DDX42: variants seen among roughly 807,000 people sequenced by gnomAD.
DDX42 encodes DEAD-box helicase 42.
In DDX42, 22 loss-of-function variants were observed where a neutral mutation model predicts 101.5. The observed-to-expected ratio is 0.22, with a 90% CI of 0.15 to 0.31. The LOEUF (loss-of-function observed/expected upper bound fraction) is 0.31, where lower values mean the gene tolerates loss of function less well. DDX42 is among the 10% of genes least tolerant of loss of function. The pLI is 1.00. For missense variants in DDX42, 849 were observed against 1,199.9 expected (o/e 0.71, Z 4.32); for synonymous variants, 402 against 401.2 (o/e 1.00, Z -0.02).
intron 1 of DDX42, among the ~76,000 whole-genome samples, chr17:63,779,349 C>T (rs866428390): frequency 5.9e-5 from 9 of 152,220 alleles, no homozygotes; most frequent in South Asian, 2.1e-4. Context: ...CTGCAACCTC[C>T]GACTCCTGGG....
At chr17:63,786,219 A>G (rs748977064) in intron 1 of DDX42, among the ~76,000 whole-genome samples, 11 of 152,160 alleles carry the variant, frequency 7.2e-5, no homozygotes, top group South Asian at 6.2e-4. Flanking sequence ...CTGAAATACA[A>G]TGTCAACTTT....
At chr17:63,799,545 T>A (rs2039736864) in intron 4 of DDX42, 44 bp from the exon 5 acceptor site, 1 of 1,610,366 alleles carries the variant, frequency 6.2e-7, no homozygotes, top group Non-Finnish European at 8.5e-7. Context: ...GCTGGGTATG[T>A]GGAACATTTG....
chr17:63,779,735 A>C (rs1408632516), intron 1 of DDX42, among the ~76,000 whole-genome samples: 2 of 150,972 alleles, frequency 1.3e-5, no homozygotes, highest in Non-Finnish European at 2.9e-5. Flanking sequence ...TATTCTAGGT[A>C]TCTCTTTTTT....
chr17:63,818,072 A>G lies in DDX42; in HGVS notation c.2491A>G (p.Ser831Gly). Reference protein sequence around the residue: ...HGETGNRHSDSPRHGDGGRHG... With the variant: ...HGETGNRHSDGPRHGDGGRHG... ...AGAGACTGGCAATCGGCATAGCGAT[A>G]GTCCACGTCACGGAGATGGTGGTCG... The change falls in exon 18 of 18, where the codon AGT (serine) becomes GGT (glycine). Residue 831 changes from serine (S) to glycine (G), a missense_variant. Physicochemically the swap from Ser to Gly is moderately conservative, Grantham distance 56 (BLOSUM62 0). Transcript: ENST00000389924. The G allele has an allele frequency of 4.3e-6, 7 of 1,614,058 alleles. No homozygotes were observed. Among genetic ancestry groups the G allele is most frequent in the Non-Finnish European group, 5.9e-6 (7 of 1,180,022 alleles).
intron 1 of DDX42, among the ~76,000 whole-genome samples, chr17:63,777,275 C>T (rs906090269): frequency 6.6e-6 from 1 of 152,110 alleles, no homozygotes; most frequent in Non-Finnish European, 1.5e-5. Flanking sequence ...TGTTTCTCTT[C>T]AGCCTAGTTG....
rs965823592 is a variant in DDX42, at chr17:63,808,836, A to C, written c.1040A>C (p.Lys347Thr). 1.2e-6 allele frequency: 2 copies of C among 1,613,830 alleles called. No homozygotes were observed. The highest frequency in any genetic ancestry group is 1.7e-6 in the Non-Finnish European group (2 of 1,179,916). The change falls in exon 10 of 18, where the codon AAG becomes ACG. Residue 347 changes from lysine to threonine, a missense_variant. Lys to Thr is a moderately conservative substitution (Grantham distance 78). Coordinates refer to ENST00000389924, the MANE Select transcript of DDX42 (RefSeq NM_203499.3). ...ELCQQIHAEC[K>T]RFGKAYNLRS... Reference sequence around the variant, plus strand: ...ACTTTGTAGATCCATGCAGAATGTAAGCGGTTTGGAAAAGCATATAATCTT... The same window carrying C: ...ACTTTGTAGATCCATGCAGAATGTACGCGGTTTGGAAAAGCATATAATCTT...
chr17:63,807,679 T>C, intron 8 of DDX42, 45 bp from the exon 9 acceptor site: 1 of 1,567,086 alleles, frequency 6.4e-7, no homozygotes, highest in Non-Finnish European at 8.7e-7. Flanking sequence ...CAGTACATCT[T>C]TAGAATTGAA....
At chr17:63,810,059 A>C (rs1567743884) in intron 11 of DDX42, among the ~76,000 whole-genome samples, 1 of 151,652 alleles carries the variant, frequency 6.6e-6, no homozygotes, top group African/African-American at 2.4e-5. Context: ...TGGAGGGAAA[A>C]TTTTTCACTT....
intron 16 of DDX42, chr17:63,816,071 A>G (rs892274737): frequency 6.5e-6 from 1 of 153,018 alleles, no homozygotes; most frequent in Non-Finnish European, 1.5e-5. Flanking sequence ...AATGTTGCCA[A>G]AGGGTCACTG....
At chr17:63,793,786 A>G (rs2039657459) in intron 3 of DDX42, among the ~76,000 whole-genome samples, 1 of 151,712 alleles carries the variant, frequency 6.6e-6, no homozygotes, top group Non-Finnish European at 1.5e-5. Context: ...ATTATTATAT[A>G]GCAGATCATT....
chr17:63,780,565 T>C (rs562123687), intron 1 of DDX42, among the ~76,000 whole-genome samples: 1 of 152,338 alleles, frequency 6.6e-6, no homozygotes, highest in African/African-American at 2.4e-5. Context: ...TATGCCCTCA[T>C]AGAGCTAACA....
At chr17:63,776,935 G>A (rs1047295915) in intron 1 of DDX42, among the ~76,000 whole-genome samples, 5 of 152,156 alleles carry the variant, frequency 3.3e-5, no homozygotes, top group South Asian at 2.1e-4. Context: ...TTTAGAGACT[G>A]TCTTGCTGTG....
At chr17:63,783,883 C>G (rs140990525) in intron 1 of DDX42, among the ~76,000 whole-genome samples, 1 of 151,886 alleles carries the variant, frequency 6.6e-6, no homozygotes, top group Non-Finnish European at 1.5e-5. Flanking sequence ...CCTAACATAA[C>G]GAAACCCCAT....
chr17:63,797,127 G>A (rs1375383899), intron 3 of DDX42, among the ~76,000 whole-genome samples: 1 of 151,898 alleles, frequency 6.6e-6, no homozygotes, highest in Admixed American at 6.6e-5. Flanking sequence ...CGGGCGCGGT[G>A]GATCACCTGA....
intron 6 of DDX42, among the ~76,000 whole-genome samples, chr17:63,801,922 A>C (rs1313070451): frequency 6.6e-6 from 1 of 151,338 alleles, no homozygotes; most frequent in Non-Finnish European, 1.5e-5. Flanking sequence ...GTTAAATATC[A>C]GCCGAGATCT....
At chr17:63,797,650 A>G (rs1375910547) in intron 3 of DDX42, among the ~76,000 whole-genome samples, 2 of 152,248 alleles carry the variant, frequency 1.3e-5, no homozygotes, top group Non-Finnish European at 2.9e-5. Context: ...CCAGATTGAG[A>G]GCAACCTTTC....
At chr17:63,817,570 G>A in intron 17 of DDX42, 124 bp from the exon 18 acceptor site, 1 of 902,192 alleles carries the variant, frequency 1.1e-6, no homozygotes, top group East Asian at 2.6e-5. Context: ...GGGCCATCAG[G>A]ACACTAAACT....
At chr17:63,786,990 CT>C (rs1236939603) in intron 1 of DDX42, 43 bp from the exon 2 acceptor site, 4 of 1,604,114 alleles carry the variant, frequency 2.5e-6, no homozygotes, top group Non-Finnish European at 3.4e-6. Context: ...GGGCTATACA[CT>C]TTTTTAAGTT....
At chr17:63,815,374 A>G (rs1433861562) in intron 15 of DDX42, among the ~76,000 whole-genome samples, 189 bp from the exon 16 acceptor site, 1 of 152,148 alleles carries the variant, frequency 6.6e-6, no homozygotes, top group Non-Finnish European at 1.5e-5. Context: ...CCACTTTTCA[A>G]ATTTGGTGGA....
Sources: gnomAD v4.1 joint callset for allele counts (sites outside exome capture counted in the v4.1 genomes callset) on GRCh38, gnomAD v4.1.1 for gene constraint, MANE v1.5 for transcripts, NCBI Gene and HGNC (gene_info 2026-07-23, HGNC 2026-07-21) for gene names.